Variants in ATP1A2 observed in about 807,000 individuals in gnomAD.
ATP1A2 encodes sodium/potassium-transporting ATPase subunit alpha-2.
ATP1A2 carries 56 observed loss-of-function variants against 113.1 expected under a neutral mutation model. That is an observed-to-expected ratio of 0.49 (90% CI 0.40 to 0.62). The LOEUF (loss-of-function observed/expected upper bound fraction) is 0.62. ATP1A2 is among the 20% of genes least tolerant of loss of function. The pLI is 0.00. For synonymous variants in ATP1A2, 490 were observed against 526.8 expected (o/e 0.93, Z 0.96); for missense variants, 712 against 1,357.8 (o/e 0.52, Z 7.47).
At chr1:160,139,570 C>T (rs987347999) in intron 20 of ATP1A2, 70 bp from the exon 21 acceptor site, 2 of 1,390,952 alleles carry the variant, frequency 1.4e-6, no homozygotes, top group African/African-American at 2.8e-5. Flanking sequence ...CCCTTGCACC[C>T]CAGGGGTATC....
chr1:160,140,970 C>T (rs1652129509), intron 22 of ATP1A2, among the ~76,000 whole-genome samples: 2 of 144,230 alleles, frequency 1.4e-5, no homozygotes, highest in African/African-American at 5.1e-5. Context: ...TCAAGCAATT[C>T]TCTTGCCTCA....
intron 13 of ATP1A2, 42 bp from the exon 14 acceptor site, chr1:160,134,442 C>G (rs1490016157): frequency 1.2e-6 from 2 of 1,613,920 alleles, no homozygotes; most frequent in Admixed American, 3.3e-5. Flanking sequence ...GGGGATAAAC[C>G]CTTAATACTA....
Position 160,135,146 on chromosome 1 carries a change from G to C in ATP1A2, c.1966G>C (p.Glu656Gln). 2 of 1,614,132 alleles carry C rather than the reference G, an allele frequency of 1.2e-6. No individual in the cohort carries two copies. Among genetic ancestry groups the C allele is most frequent in the Non-Finnish European group, 1.7e-6 (2 of 1,180,028 alleles). The change falls in exon 15 of 23, where the codon GAA (glutamate) becomes CAA (glutamine). Residue 656 changes from glutamate to glutamine, a missense_variant and splice_region_variant. Glu to Gln is a conservative substitution (Grantham distance 29). Coordinates refer to ENST00000361216, the MANE Select transcript of ATP1A2 (RefSeq NM_000702.4). This position sits in a 1 kb window ranked among gnomAD's most constrained non-coding sequence, Gnocchi z 6.3. The part of the protein sequence containing the change: ...NIPMSQVNPR[E>Q]AKACVVHGSD... ...TCTCTGTCCCCACCCACCCTCCAGA[G>C]AAGCCAAGGCATGCGTGGTGCACGG...
At chr1:160,132,330 G>A (rs1651799944) in intron 13 of ATP1A2, among the ~76,000 whole-genome samples, 1 of 152,172 alleles carries the variant, frequency 6.6e-6, no homozygotes. Context: ...TTATCCTGCA[G>A]GCCACAGAGA....
chr1:160,139,322 A>G (rs1192271796), intron 20 of ATP1A2, among the ~76,000 whole-genome samples: 1 of 152,186 alleles, frequency 6.6e-6, no homozygotes, highest in Non-Finnish European at 1.5e-5. Flanking sequence ...TGCCTGGAGC[A>G]ATAACAAGAT....
chr1:160,119,585 G>A (rs554455688), intron 1 of ATP1A2, among the ~76,000 whole-genome samples: 8 of 152,196 alleles, frequency 5.3e-5, no homozygotes, highest in Admixed American at 4.6e-4. Context: ...CCCCAAGAGG[G>A]CCTCCTCTTA....
In ATP1A2 at chr1:160,135,047, G is replaced by T; in HGVS notation, c.1965-98G>T. 6.7e-7 allele frequency: 1 copy of T among 1,494,810 alleles called. No individual in the cohort carries two copies. The highest frequency in any genetic ancestry group is 1.2e-5 in the South Asian group (1 of 86,478). The allele number at this position is 1,494,810 out of a possible 1,614,324, so 92.6% of individuals were successfully genotyped here. Reference sequence around the variant, plus strand: ...AGCAACAGGGGAAGCAGGCTCAGCAGGGAGCCTGCAGGCTGCGGTGGTGAA... The same window carrying T: ...AGCAACAGGGGAAGCAGGCTCAGCATGGAGCCTGCAGGCTGCGGTGGTGAA... On this transcript the variant is annotated intron_variant, in intron 14 of 22. Transcript: ENST00000361216. The surrounding 1 kb of genome is among the most constrained non-coding windows in gnomAD (Gnocchi z 6.3).
rs1490998665 is a variant in ATP1A2, at chr1:160,129,302, C to A, written c.1363C>A (p.Leu455Ile). The A allele has an allele frequency of 6.8e-6, 11 of 1,614,190 alleles. No homozygotes were observed. The highest frequency in any genetic ancestry group is 9.3e-6 in the Non-Finnish European group (11 of 1,180,034). Residue 455 changes from leucine to isoleucine, a missense_variant, in exon 11 of 23, where the codon CTC (leucine) becomes ATC (isoleucine). Leu to Ile is a conservative substitution (Grantham distance 5, BLOSUM62 2). This residue lies in a region of ATP1A2 where 263 missense variants were observed against 380.6 expected (regional missense o/e 0.69). Transcript: ENST00000361216. ...TAGDASESALLKCIELSCGSV... is the reference protein window; with the variant it reads ...TAGDASESALIKCIELSCGSV... ...TGGTGATGCCTCTGAGTCAGCTCTG[C>A]TCAAGTGCATTGAGCTCTCCTGTGG...
chr1:160,124,239 G>A (rs902408423), intron 5 of ATP1A2, 57 bp from the exon 6 acceptor site: 72 of 1,560,612 alleles, frequency 4.6e-5, no homozygotes, highest in Admixed American at 2.9e-4. Flanking sequence ...AGACCAGCAG[G>A]AGAAGAAGGC....
intron 11 of ATP1A2, 62 bp downstream of exon 11, chr1:160,129,462 A>C (rs1368170170): frequency 1.3e-6 from 2 of 1,597,806 alleles, no homozygotes; most frequent in Admixed American, 3.3e-5. Flanking sequence ...GGGTGGACAA[A>C]GCCAAGGGGA....
At chr1:160,138,867 T>G (rs1207376811) in intron 20 of ATP1A2, among the ~76,000 whole-genome samples, 2 of 152,140 alleles carry the variant, frequency 1.3e-5, no homozygotes, top group South Asian at 4.1e-4. Flanking sequence ...ACTGAACATT[T>G]TCCAGGTCTG....
intron 20 of ATP1A2, among the ~76,000 whole-genome samples, chr1:160,139,062 C>T (rs1419869258): frequency 1.3e-5 from 2 of 152,174 alleles, no homozygotes; most frequent in Non-Finnish European, 2.9e-5. Context: ...GAATAGACAC[C>T]ACCTGTCTGA....
rs563100467 is a variant in ATP1A2, at chr1:160,134,443, C to T, written c.1828-41C>T. On this transcript the variant is annotated intron_variant, in intron 13 of 22. Transcript: ENST00000361216. The stretch of plus-strand genomic sequence containing the variant: ...GAGAGGAACAGGAGGGGGATAAACC[C>T]TTAATACTACTTTCCTGTTGTCTCC... 13 of 1,614,058 alleles carry T rather than the reference C, an allele frequency of 8.1e-6. No individual in the cohort carries two copies. The African/African-American group carries it at 1.2e-4, about 15-fold the overall frequency.
chr1:160,118,310 C>A (rs1028754499), intron 1 of ATP1A2, among the ~76,000 whole-genome samples: 1 of 152,218 alleles, frequency 6.6e-6, no homozygotes, highest in Non-Finnish European at 1.5e-5. Context: ...AGACCCAGCC[C>A]TGCTCCTCTG....
chr1:160,118,091 G>T (rs1651248587), intron 1 of ATP1A2, among the ~76,000 whole-genome samples: 1 of 152,254 alleles, frequency 6.6e-6, no homozygotes, highest in African/African-American at 2.4e-5. Context: ...GGGGCAGTGT[G>T]TCTCAAGCTC....
rs963491650 is a variant in ATP1A2 at position 160,135,283 on chromosome 1, A to T, written c.2103A>T (p.Gly701=). 1.9e-6 allele frequency: 3 copies of T among 1,613,996 alleles called. No homozygotes were observed. The African/African-American group carries it at 4.0e-5, about 22-fold the overall frequency. ...SPQQKLIIVE[G]CQRQGAIVAV... is the part of the protein sequence containing the mutation. The stretch of plus-strand genomic sequence containing the variant: ...AGCAGAAGCTCATCATTGTGGAGGG[A>T]TGTCAGAGGCAGGTGAGCACAGCCA... The change falls in exon 15 of 23, where the codon GGA becomes GGT. Residue 701 remains glycine (G), a synonymous_variant. Coordinates refer to ENST00000361216, the MANE Select transcript of ATP1A2 (RefSeq NM_000702.4). This position sits in a 1 kb window ranked among gnomAD's most constrained non-coding sequence, Gnocchi z 6.3.
Position 160,128,654 on chromosome 1 carries a change from G to A in ATP1A2, c.1020G>A (p.Val340=), listed in dbSNP as rs142140032. 16 of 1,614,170 alleles carry A rather than the reference G, an allele frequency of 9.9e-6. No homozygotes were observed. Among genetic ancestry groups the A allele is most frequent in the South Asian group, 4.4e-5 (4 of 91,080 alleles). The change falls in exon 9 of 23, where the codon GTG becomes GTA. Residue 340 remains valine (V), a splice_region_variant and synonymous_variant. Transcript: ENST00000361216. ...VPEGLLATVT[V]CLTLTAKRMA... Reference sequence around the variant, plus strand: ...TTATTCTCCTCTTTCTCTACCAGGTGTGCCTGACCCTGACAGCCAAGCGCA... The same window carrying A: ...TTATTCTCCTCTTTCTCTACCAGGTATGCCTGACCCTGACAGCCAAGCGCA...
chr1:160,127,860 CACT>C, intron 8 of ATP1A2, 40 bp downstream of exon 8: 8 of 1,548,140 alleles, frequency 5.2e-6, no homozygotes, highest in Non-Finnish European at 7.0e-6. Context: ...GGGAGGGTCT[CACT>C]ACTCTTTCCT....
In ATP1A2 at chr1:160,121,265, C is replaced by A; in HGVS notation, c.177+14C>A. 6.2e-7 allele frequency: 1 copy of A among 1,614,100 alleles called. No individual in the cohort carries two copies. The highest frequency in any genetic ancestry group is 1.7e-5 in the Admixed American group (1 of 60,030). On this transcript the variant is annotated intron_variant, in intron 3 of 22. Coordinates refer to ENST00000361216, the MANE Select transcript of ATP1A2 (RefSeq NM_000702.4). The stretch of plus-strand genomic sequence containing the variant: ...GACCTGTCCAAGGTGAGTGGAGGGG[C>A]TTCTAGGGAAGGAACAAAAGAGGCA...
Sources: gnomAD v4.1 joint callset for allele counts (sites outside exome capture counted in the v4.1 genomes callset) on GRCh38, gnomAD v4.1.1 for gene constraint, gnomAD v4.1.1 regional missense constraint, Gnocchi (gnomAD v3.1) non-coding constraint, MANE v1.5 for transcripts, NCBI Gene and HGNC (gene_info 2026-07-23, HGNC 2026-07-21) for gene names.